NDC1: variants seen among roughly 807,000 people sequenced by gnomAD.
The protein encoded by NDC1 is nucleoporin NDC1.
In NDC1, 24 loss-of-function variants were observed where a neutral mutation model predicts 89.8. The observed-to-expected ratio is 0.27, with a 90% CI of 0.19 to 0.38. NDC1 has a LOEUF of 0.38. Ranked by LOEUF, NDC1 falls within the 10% of genes least tolerant of loss-of-function variation. NDC1 has a pLI of 1.00. For missense variants in NDC1, 728 were observed against 797.6 expected (o/e 0.91, Z 1.05); for synonymous variants, 296 against 284.8 (o/e 1.04, Z -0.39).
chr1:53,772,278 G>A lies in NDC1; in HGVS notation c.1961+51C>T, dbSNP rs756001635. ...TTATCATTCCCATACCTATTTCTAA[G>A]GAAAGCTCCCCAGAATAGGTATCAT... On this transcript the variant is annotated intron_variant, in intron 17 of 17. Transcript: ENST00000371429. The A allele has an allele frequency of 5.7e-5, 89 of 1,554,930 alleles. No homozygotes were observed. The Admixed American group carries it at 1.5e-3, about 26-fold the overall frequency.
chr1:53,780,502 G>A lies in NDC1; in HGVS notation c.1800+6656C>T, dbSNP rs145602660. ...ACCCTGTCTTTTTCCATTCTGTATC[G>A]TATCACATGCTAATTGCTTGATAAT... is the stretch of plus-strand genomic sequence containing the variant. On this transcript the variant is annotated intron_variant, in intron 16 of 17. Transcript: ENST00000371429. 1.5e-3 allele frequency among the ~76,000 whole-genome samples: 233 copies of A among 152,232 alleles called. 1 individual carries two copies. Among genetic ancestry groups the A allele is most frequent in the African/African-American group, 5.3e-3 (221 of 41,546 alleles).
In NDC1 at chr1:53,772,350, G is replaced by C. The variant is rs771410262; in HGVS notation, c.1940C>G (p.Thr647Ser). 6.2e-7 allele frequency: 1 copy of C among 1,613,700 alleles called. No individual in the cohort carries two copies. Among genetic ancestry groups the C allele is most frequent in the South Asian group, 1.1e-5 (1 of 91,046 alleles). Residue 647 changes from threonine (T) to serine (S), a missense_variant, in exon 17 of 18, where the codon ACT becomes AGT. Transcript: ENST00000371429. Reference sequence around the variant, plus strand: ...TTACTTCAGATGTTCACCAAATGTAGTAGTTATTCGATAGATGGCAGTTTT... The same window carrying C: ...TTACTTCAGATGTTCACCAAATGTACTAGTTATTCGATAGATGGCAGTTTT... ...SLKTAIYRIT[T>S]TFGEHLNAVQ...
intron 1 of NDC1, among the ~76,000 whole-genome samples, chr1:53,837,649 T>G (rs1294968072): frequency 6.6e-6 from 1 of 152,200 alleles, no homozygotes; most frequent in African/African-American, 2.4e-5. Context: ...TGCACTGGGA[T>G]AGAAGCACTT....
At chr1:53,772,266 A>G in intron 17 of NDC1, 63 bp downstream of exon 17, 2 of 1,437,274 alleles carry the variant, frequency 1.4e-6, no homozygotes, top group Non-Finnish European at 1.9e-6. Context: ...TCATTCCCAT[A>G]CCTATTTCTA....
intron 15 of NDC1, among the ~76,000 whole-genome samples, chr1:53,788,621 T>C (rs1218050117): frequency 6.6e-6 from 1 of 151,956 alleles, no homozygotes; most frequent in Non-Finnish European, 1.5e-5. Flanking sequence ...GAGAAGGGAT[T>C]TCACCATGCT....
At chr1:53,786,751 G>A (rs1647319558) in intron 16 of NDC1, among the ~76,000 whole-genome samples, 1 of 152,154 alleles carries the variant, frequency 6.6e-6, no homozygotes, top group South Asian at 2.1e-4. Context: ...AGGCTGCAGT[G>A]CAGTGGTGAA....
At position 53,825,886 on chromosome 1, in the gene NDC1, A is replaced by G; in HGVS notation, c.506T>C (p.Phe169Ser). 6.2e-7 allele frequency: 1 copy of G among 1,610,538 alleles called. No homozygotes were observed. The highest frequency in any genetic ancestry group is 8.5e-7 in the Non-Finnish European group (1 of 1,178,738). ...GCCCATAAATGCTCCAGTCAGTAGG[A>G]AAAAAAGATGATATTCATTTAAGCA... ...QTCLNEYHLF[F>S]LLTGAFMGYS... The change falls in exon 5 of 18, where the codon TTC becomes TCC. Residue 169 changes from phenylalanine to serine, a missense_variant. By Grantham distance (155) the Phe-to-Ser change is radical (BLOSUM62 -2). Transcript: ENST00000371429.
rs149397056 is a variant in NDC1, at chr1:53,826,897, T to C, written c.456-961A>G. Reference sequence around the variant, plus strand: ...CTGACTGTGAAATCATCAGGAAATATATTTGTAATAGGCATTATAATGTCT... The same window carrying C: ...CTGACTGTGAAATCATCAGGAAATACATTTGTAATAGGCATTATAATGTCT... On this transcript the variant is annotated intron_variant, in intron 4 of 17. Coordinates refer to ENST00000371429, the MANE Select transcript of NDC1 (RefSeq NM_018087.5). 2.4e-3 allele frequency among the ~76,000 whole-genome samples: 359 copies of C among 152,308 alleles called. 2 individuals are homozygous for C. Among genetic ancestry groups the C allele is most frequent in the African/African-American group, 8.5e-3 (355 of 41,554 alleles).
intron 3 of NDC1, 79 bp from the exon 4 acceptor site, chr1:53,828,252 C>T (rs1428373485): frequency 7.8e-7 from 1 of 1,278,594 alleles, no homozygotes; most frequent in Non-Finnish European, 1.1e-6. Flanking sequence ...CCCTCTCATC[C>T]TTGCACAAAT....
intron 3 of NDC1, among the ~76,000 whole-genome samples, chr1:53,831,042 A>C (rs1161603205): frequency 6.6e-6 from 1 of 152,038 alleles, no homozygotes; most frequent in Admixed American, 6.5e-5. Context: ...TAACATGGTG[A>C]AACCCCGTCT....
intron 2 of NDC1, among the ~76,000 whole-genome samples, chr1:53,833,765 G>A (rs1649142599): frequency 6.6e-6 from 1 of 151,752 alleles, no homozygotes; most frequent in African/African-American, 2.4e-5. Context: ...ATAAAAATAA[G>A]AGCATGTTTG....
chr1:53,815,960 C>A (rs928400719), intron 6 of NDC1, among the ~76,000 whole-genome samples: 1 of 152,078 alleles, frequency 6.6e-6, no homozygotes, highest in African/African-American at 2.4e-5. Flanking sequence ...GCAACGCAAA[C>A]AAATGGAAAC....
chr1:53,772,825 T>C (rs1407047127), intron 16 of NDC1, among the ~76,000 whole-genome samples: 3 of 151,922 alleles, frequency 2.0e-5, no homozygotes, highest in Non-Finnish European at 2.9e-5. Context: ...TAGATACAAA[T>C]GGATATATAC....
intron 3 of NDC1, among the ~76,000 whole-genome samples, chr1:53,830,899 G>A (rs1363869191): frequency 6.7e-6 from 1 of 150,080 alleles, no homozygotes; most frequent in Non-Finnish European, 1.5e-5. Flanking sequence ...AGTATTCTAT[G>A]ATCCTACCGC....
At chr1:53,806,089 A>G (rs1346418093) in intron 9 of NDC1, among the ~76,000 whole-genome samples, 1 of 152,212 alleles carries the variant, frequency 6.6e-6, no homozygotes, top group African/African-American at 2.4e-5. Context: ...AAAAAAATCA[A>G]TAATATTTTG....
At chr1:53,772,307 G>C in intron 17 of NDC1, 22 bp downstream of exon 17, 1 of 1,609,674 alleles carries the variant, frequency 6.2e-7, no homozygotes, top group Non-Finnish European at 8.5e-7. Context: ...GTATCATCAT[G>C]GATCAAAACA....
At chr1:53,806,617 T>C in intron 8 of NDC1, 100 bp from the exon 9 acceptor site, 1 of 655,432 alleles carries the variant, frequency 1.5e-6, no homozygotes. Context: ...ACAAGCAAAC[T>C]GACATCTTTC....
rs546519987 is a variant in NDC1, at chr1:53,771,352, T to C, written c.1961+977A>G. Among the ~76,000 whole-genome samples, 26 of 152,318 alleles carry C rather than the reference T, an allele frequency of 1.7e-4. No individual in the cohort carries two copies. In the East Asian group the frequency reaches 4.8e-3, roughly 28 times the overall value. Reference sequence around the variant, plus strand: ...ATGTTTAATACGCACTAGATTGTGCTATCAGGCAAATTTTAACATCTCTAT... The same window carrying C: ...ATGTTTAATACGCACTAGATTGTGCCATCAGGCAAATTTTAACATCTCTAT... On this transcript the variant is annotated intron_variant, in intron 17 of 17. Coordinates refer to ENST00000371429, the MANE Select transcript of NDC1 (RefSeq NM_018087.5).
chr1:53,823,541 C>T (rs1403422361), intron 5 of NDC1, among the ~76,000 whole-genome samples: 9 of 152,180 alleles, frequency 5.9e-5, no homozygotes, highest in African/African-American at 1.7e-4. Context: ...CACTCTACTG[C>T]ATATCTGTGG....
Sources: allele counts gnomAD v4.1 joint callset (sites outside exome capture counted in the v4.1 genomes callset), GRCh38; gene constraint gnomAD v4.1.1; transcripts MANE v1.5; gene names NCBI Gene and HGNC (gene_info 2026-07-23, HGNC 2026-07-21).